DSCAM: variants seen among roughly 807,000 people sequenced by gnomAD.
DSCAM encodes cell adhesion molecule DSCAM.
In DSCAM, 47 loss-of-function variants were observed where a neutral mutation model predicts 217.7. The observed-to-expected ratio is 0.22, with a 90% CI of 0.17 to 0.28. DSCAM has a LOEUF of 0.28. DSCAM is among the 10% of genes least tolerant of loss of function. The pLI, the probability that DSCAM is intolerant of heterozygous loss-of-function variation, is 1.00. For missense variants in DSCAM, 2,080 were observed against 2,618.3 expected, an observed-to-expected ratio of 0.79 and a Z score of 4.49; for synonymous variants, 1,056 against 1,015.3, an observed-to-expected ratio of 1.04 and a Z score of -0.76.
chr21:40,752,867 A>G (rs1160235151), intron 1 of DSCAM, among the ~76,000 whole-genome samples: 1 of 152,246 alleles, frequency 6.6e-6, no homozygotes, highest in Non-Finnish European at 1.5e-5. Flanking sequence ...TTTGTTCACT[A>G]GTATATCCCC....
intron 3 of DSCAM, among the ~76,000 whole-genome samples, chr21:40,523,852 T>C (rs940448749): frequency 1.3e-5 from 2 of 152,086 alleles, no homozygotes; most frequent in Admixed American, 6.5e-5. Context: ...CATTCACCTC[T>C]AGACGCTGCC....
chr21:40,080,766 T>G (rs946713169), intron 24 of DSCAM, among the ~76,000 whole-genome samples: 1 of 152,210 alleles, frequency 6.6e-6, no homozygotes, highest in Non-Finnish European at 1.5e-5. Flanking sequence ...TAGAGATTTC[T>G]TCAACTGCCT....
At chr21:40,521,396 C>T (rs1187274165) in intron 3 of DSCAM, among the ~76,000 whole-genome samples, 1 of 152,190 alleles carries the variant, frequency 6.6e-6, no homozygotes, top group East Asian at 1.9e-4. Flanking sequence ...GGTTTCCTTT[C>T]TCCACATCCT....
intron 1 of DSCAM, among the ~76,000 whole-genome samples, chr21:40,762,544 C>A (rs2091346074): frequency 6.6e-6 from 1 of 152,168 alleles, no homozygotes; most frequent in South Asian, 2.1e-4. Flanking sequence ...CAAAGAGGAG[C>A]TGATACTGTT....
intron 3 of DSCAM, among the ~76,000 whole-genome samples, chr21:40,551,276 T>G (rs11700437): frequency 0.57 from 85,871 of 151,942 alleles, 24,596 homozygotes; most frequent in South Asian, 0.62. Flanking sequence ...CTTGAAGTGG[T>G]TGGGGGTGTT....
chr21:40,161,257 C>A (rs933049108), intron 16 of DSCAM, among the ~76,000 whole-genome samples: 1 of 152,092 alleles, frequency 6.6e-6, no homozygotes, highest in African/African-American at 2.4e-5. Flanking sequence ...ATGGCTAAAC[C>A]GAGAGGAGTA....
intron 3 of DSCAM, among the ~76,000 whole-genome samples, chr21:40,376,516 C>CGA (rs1332261372): frequency 9.1e-6 from 1 of 110,352 alleles, no homozygotes; most frequent in African/African-American, 3.6e-5. Context: ...ATATCGATAT[C>CGA]TATATATCTT....
At chr21:40,797,981 C>CT (rs1156994313) in intron 1 of DSCAM, among the ~76,000 whole-genome samples, 1 of 151,650 alleles carries the variant, frequency 6.6e-6, no homozygotes, top group Non-Finnish European at 1.5e-5. Context: ...ATGCACATTA[C>CT]TTTTTTTAGG....
intron 3 of DSCAM, among the ~76,000 whole-genome samples, chr21:40,474,740 A>G (rs546504106): frequency 6.6e-6 from 1 of 152,232 alleles, no homozygotes; most frequent in African/African-American, 2.4e-5. Context: ...ATAATAAATA[A>G]TGGTGAACTC....
At chr21:40,480,287 G>A (rs987891792) in intron 3 of DSCAM, among the ~76,000 whole-genome samples, 28 of 152,198 alleles carry the variant, frequency 1.8e-4, no homozygotes, top group African/African-American at 6.8e-4. Context: ...ATACACAAAA[G>A]TTAAAGAATC....
At chr21:40,148,856 C>T (rs1228221518) in intron 16 of DSCAM, among the ~76,000 whole-genome samples, 1 of 152,146 alleles carries the variant, frequency 6.6e-6, no homozygotes, top group African/African-American at 2.4e-5. Flanking sequence ...AACATCACTG[C>T]CATAAAATTA....
intron 1 of DSCAM, among the ~76,000 whole-genome samples, chr21:40,786,533 G>A (rs942834399): frequency 2.0e-5 from 3 of 152,074 alleles, no homozygotes; most frequent in African/African-American, 7.2e-5. Flanking sequence ...ACACCCAGGA[G>A]ACTTGAAGGG....
chr21:40,154,131 C>T (rs2090451802), intron 16 of DSCAM, among the ~76,000 whole-genome samples: 1 of 152,020 alleles, frequency 6.6e-6, no homozygotes, highest in Non-Finnish European at 1.5e-5. Flanking sequence ...ACATTATTGC[C>T]TCAAATAATT....
Position 40,062,855 on chromosome 21 carries a change from G to C in DSCAM, c.4919+14C>G. The C allele has an allele frequency of 6.3e-7, 1 of 1,581,232 alleles. No individual in the cohort carries two copies. Among genetic ancestry groups the C allele is most frequent in the East Asian group, 2.3e-5 (1 of 42,578 alleles). On this transcript the variant is annotated intron_variant, in intron 28 of 32. Transcript: ENST00000400454. Reference sequence around the variant, plus strand: ...TTCAAACATGATATCTGGGGTGCTAGGTCTTGTTCTTACCTCATGAGCATT... The same window carrying C: ...TTCAAACATGATATCTGGGGTGCTACGTCTTGTTCTTACCTCATGAGCATT...
At chr21:40,154,884 G>T (rs1161807156) in intron 16 of DSCAM, among the ~76,000 whole-genome samples, 1 of 152,248 alleles carries the variant, frequency 6.6e-6, no homozygotes, top group Non-Finnish European at 1.5e-5. Flanking sequence ...CCATATTCTA[G>T]TCAGACTTGG....
chr21:40,065,960 C>T (rs909888492), intron 27 of DSCAM, among the ~76,000 whole-genome samples: 2 of 152,226 alleles, frequency 1.3e-5, no homozygotes, highest in African/African-American at 4.8e-5. Context: ...TAACCTCCAA[C>T]CTCTCTCTGA....
intron 20 of DSCAM, among the ~76,000 whole-genome samples, chr21:40,120,670 G>A (rs992968083): frequency 6.6e-6 from 1 of 152,132 alleles, no homozygotes; most frequent in Non-Finnish European, 1.5e-5. Flanking sequence ...CTCTGATTGG[G>A]GAGTTTAATA....
At chr21:40,545,586 C>A (rs1190255240) in intron 3 of DSCAM, among the ~76,000 whole-genome samples, 1 of 152,076 alleles carries the variant, frequency 6.6e-6, no homozygotes, top group Non-Finnish European at 1.5e-5. Flanking sequence ...GCACCTGCCA[C>A]TGACTTTCTG....
chr21:40,731,821 C>T (rs1226132182), intron 1 of DSCAM, among the ~76,000 whole-genome samples: 13 of 151,018 alleles, frequency 8.6e-5, no homozygotes, highest in Admixed American at 2.6e-4. Flanking sequence ...CTCTGCCTCC[C>T]GGGTTCAAGT....
Sources: allele counts gnomAD v4.1 joint callset (sites outside exome capture counted in the v4.1 genomes callset), GRCh38; gene constraint gnomAD v4.1.1; transcripts MANE v1.5; gene names NCBI Gene and HGNC (gene_info 2026-07-23, HGNC 2026-07-21).